The following SEMA6A variants were observed in gnomAD, a reference collection of about 807,000 sequenced individuals.
SEMA6A encodes the protein semaphorin 6A, also known as semaphorin-6A.
A neutral mutation model predicts 96.8 loss-of-function variants in SEMA6A; 25 were observed. That is an observed-to-expected ratio of 0.26 (90% CI 0.19 to 0.36). The LOEUF is 0.36. SEMA6A is among the 10% of genes least tolerant of loss of function. The probability of loss-of-function intolerance (pLI) is 1.00; values close to 1 mark genes in which losing one functional copy is unlikely to be tolerated. For synonymous variants in SEMA6A, 612 were observed against 518.0 expected, an observed-to-expected ratio of 1.18 and a Z score of -2.46; for missense variants, 1,363 against 1,323.1, an observed-to-expected ratio of 1.03 and a Z score of -0.47.
chr5:116,513,596 ATTTTCT>A lies in SEMA6A; in HGVS notation c.-38-8620_-38-8615del, dbSNP rs764590251. On this transcript the variant is annotated intron_variant, in intron 1 of 18. Transcript: ENST00000343348. ...CCTTCATTCCCAAACCTTCCTCTTG[ATTTTCT>A]TTTTTTTTTTTTTTAATTTCCAACT... Among the ~76,000 whole-genome samples, 73 of 141,422 alleles carry A rather than the reference ATTTTCT, an allele frequency of 5.2e-4. 1 individual carries two copies. The highest frequency in any genetic ancestry group is 1.1e-3 in the Admixed American group (16 of 14,262). The allele number at this position is 141,422 out of a possible 152,430, so 92.8% of individuals were successfully genotyped here.
At chr5:116,572,270 C>G (rs1486176726) in intron 1 of SEMA6A, among the ~76,000 whole-genome samples, 2 of 152,204 alleles carry the variant, frequency 1.3e-5, no homozygotes, top group Non-Finnish European at 2.9e-5. Context: ...AAACCTTTCA[C>G]AGATCGCATT....
At chr5:116,472,322 T>C (rs1756197034) in intron 17 of SEMA6A, 1 of 152,310 alleles carries the variant, frequency 6.6e-6, no homozygotes, top group African/African-American at 2.4e-5. Flanking sequence ...TGCGTCACTC[T>C]TCCTTGTCTA....
rs1754132896 is a variant in SEMA6A at position 116,445,644 on chromosome 5, C to G, written c.*969G>C. 1 of 152,454 alleles carries G rather than the reference C, an allele frequency of 6.6e-6. No homozygotes were observed. Among genetic ancestry groups the G allele is most frequent in the Non-Finnish European group, 1.5e-5 (1 of 68,036 alleles). 9.4% of individuals were successfully genotyped at this position (152,454 alleles called of 1,614,324 possible). A position where few individuals can be genotyped will look rare whatever the true frequency, so the allele number is the denominator to read the frequency against. ...CATGTTTATAGGCCAGAGACCTGAC[C>G]AGGCAATGAACTGATAGATTTAAAT... On this transcript the variant is annotated 3_prime_UTR_variant, in exon 19 of 19. Coordinates refer to ENST00000343348, the MANE Select transcript of SEMA6A (RefSeq NM_020796.5).
intron 1 of SEMA6A, among the ~76,000 whole-genome samples, chr5:116,519,685 ACACACACG>A (rs963401298): frequency 6.0e-5 from 9 of 149,622 alleles, no homozygotes; most frequent in African/African-American, 1.5e-4. Context: ...ACACACACAC[ACACACACG>A]CACACACATA....
intron 6 of SEMA6A, among the ~76,000 whole-genome samples, chr5:116,493,556 C>A (rs148691469): frequency 6.6e-6 from 1 of 151,788 alleles, no homozygotes; most frequent in East Asian, 1.9e-4. Context: ...TTTGGTGAAC[C>A]CTTCTATTTT....
chr5:116,536,568 C>T (rs2112852194), intron 1 of SEMA6A: 1 of 152,240 alleles, frequency 6.6e-6, no homozygotes, highest in Non-Finnish European at 1.5e-5. Context: ...GTTGGGAATG[C>T]ATCATTGCAA....
At chr5:116,522,494 T>A (rs908570015) in intron 1 of SEMA6A, among the ~76,000 whole-genome samples, 1 of 152,186 alleles carries the variant, frequency 6.6e-6, no homozygotes, top group African/African-American at 2.4e-5. Flanking sequence ...CTAGTCGATC[T>A]GTGATGCAGA....
At chr5:116,495,954 G>A in intron 5 of SEMA6A, 1 of 370,894 alleles carries the variant, frequency 2.7e-6, no homozygotes, top group Non-Finnish European at 5.0e-6. Flanking sequence ...TTGGACTGCG[G>A]AGGTGGGCAT....
At chr5:116,478,448 A>G (rs1320777768) in intron 13 of SEMA6A, 94 bp downstream of exon 13, 3 of 1,315,276 alleles carry the variant, frequency 2.3e-6, no homozygotes, top group East Asian at 5.0e-5. Flanking sequence ...CTAAAAATGC[A>G]TAAAACCTCA....
At chr5:116,570,837 T>C (rs1761181668) in intron 1 of SEMA6A, among the ~76,000 whole-genome samples, 1 of 152,240 alleles carries the variant, frequency 6.6e-6, no homozygotes, top group Non-Finnish European at 1.5e-5. Flanking sequence ...GCATAACTAC[T>C]TATTTTGAAT....
intron 18 of SEMA6A, among the ~76,000 whole-genome samples, chr5:116,461,348 G>A (rs922823732): frequency 3.3e-5 from 5 of 152,076 alleles, no homozygotes; most frequent in Non-Finnish European, 7.4e-5. Context: ...CCCCAAGACA[G>A]GAGCCCTTTT....
chr5:116,451,884 GT>G (rs1754659905), intron 18 of SEMA6A, among the ~76,000 whole-genome samples: 3 of 151,988 alleles, frequency 2.0e-5, no homozygotes, highest in African/African-American at 7.3e-5. Flanking sequence ...AATGAAATTA[GT>G]TCTGGGAAAA....
intron 1 of SEMA6A, among the ~76,000 whole-genome samples, chr5:116,507,608 A>G (rs1758207143): frequency 6.6e-6 from 1 of 152,218 alleles, no homozygotes; most frequent in African/African-American, 2.4e-5. Flanking sequence ...TGCTACCCAC[A>G]TGTAGCATAT....
chr5:116,502,732 A>G (rs1757947074), intron 2 of SEMA6A: 1 of 173,386 alleles, frequency 5.8e-6, no homozygotes, highest in Admixed American at 5.8e-5. Context: ...ACTATTTCAA[A>G]GCAGCCTTCC....
chr5:116,559,591 C>A (rs1169234282), intron 1 of SEMA6A, among the ~76,000 whole-genome samples: 1 of 152,094 alleles, frequency 6.6e-6, no homozygotes, highest in Non-Finnish European at 1.5e-5. Flanking sequence ...GGGTTCGGAC[C>A]AATACAAGAG....
At position 116,474,874 on chromosome 5, in the gene SEMA6A, G is replaced by C. The variant is rs1756370517; in HGVS notation, c.1708+671C>G. On this transcript the variant is annotated intron_variant, in intron 16 of 18. Coordinates refer to ENST00000343348, the MANE Select transcript of SEMA6A (RefSeq NM_020796.5). ...ATTAGCATTAATAAAGCATTTTCAGGAGAATATTGATATTAATCGGGTCAC... is the reference window on the plus strand; with the variant it reads ...ATTAGCATTAATAAAGCATTTTCAGCAGAATATTGATATTAATCGGGTCAC... 7.3e-5 allele frequency among the ~76,000 whole-genome samples: 11 copies of C among 151,666 alleles called. No individual in the cohort carries two copies. In the South Asian group the frequency reaches 2.3e-3, roughly 32 times the overall value.
At chr5:116,499,939 A>G (rs986948098) in intron 3 of SEMA6A, among the ~76,000 whole-genome samples, 5 of 152,090 alleles carry the variant, frequency 3.3e-5, no homozygotes, top group African/African-American at 1.2e-4. Context: ...CTGTTATACC[A>G]TTTTTTCCCC....
At chr5:116,560,030 G>A (rs1397354933) in intron 1 of SEMA6A, among the ~76,000 whole-genome samples, 1 of 148,524 alleles carries the variant, frequency 6.7e-6, no homozygotes, top group South Asian at 2.1e-4. Context: ...GTCCCTGTGC[G>A]TCAGTCACCA....
intron 15 of SEMA6A, 91 bp from the exon 16 acceptor site, chr5:116,475,694 C>A: frequency 1.1e-6 from 1 of 884,276 alleles, no homozygotes; most frequent in Non-Finnish European, 1.7e-6. Flanking sequence ...GACAGTAACA[C>A]AGTTTGATAA....
Sources: gnomAD v4.1 joint callset for allele counts (sites outside exome capture counted in the v4.1 genomes callset) on GRCh38, gnomAD v4.1.1 for gene constraint, MANE v1.5 for transcripts, NCBI Gene and HGNC (gene_info 2026-07-23, HGNC 2026-07-21) for gene names.